Variants in SPATA17 observed in about 807,000 individuals in gnomAD.
SPATA17 encodes the protein spermatogenesis associated 17, also known as spermatogenesis-associated protein 17.
SPATA17 carries 53 observed loss-of-function variants against 62.2 expected under a neutral mutation model. That is an observed-to-expected ratio of 0.85 (90% CI 0.68 to 1.07). The LOEUF is 1.07. Among genes scored for constraint, SPATA17 ranks in the 50% least tolerant of loss-of-function variants. SPATA17 has a pLI of 0.00. For missense variants in SPATA17, 466 were observed against 425.5 expected, an observed-to-expected ratio of 1.10 and a Z score of -0.84; for synonymous variants, 146 against 146.8, an observed-to-expected ratio of 0.99 and a Z score of 0.04.
chr1:217,828,841 G>T (rs2103000697), intron 9 of SPATA17, among the ~76,000 whole-genome samples: 1 of 152,272 alleles, frequency 6.6e-6, no homozygotes, highest in Non-Finnish European at 1.5e-5. Flanking sequence ...TACATTAAAA[G>T]ATGCTCAGTA....
chr1:217,859,475 A>G (rs1434183301), intron 9 of SPATA17, among the ~76,000 whole-genome samples: 2 of 151,972 alleles, frequency 1.3e-5, no homozygotes, highest in Non-Finnish European at 2.9e-5. Flanking sequence ...TGGCACAACC[A>G]TGGCTCACTG....
At chr1:217,685,344 C>G (rs1339927485) in intron 5 of SPATA17, among the ~76,000 whole-genome samples, 1 of 152,154 alleles carries the variant, frequency 6.6e-6, no homozygotes, top group Non-Finnish European at 1.5e-5. Flanking sequence ...TGGGAAAGGT[C>G]TGAATCTTCT....
intron 5 of SPATA17, among the ~76,000 whole-genome samples, chr1:217,697,950 C>T (rs543068688): frequency 6.6e-6 from 1 of 152,188 alleles, no homozygotes; most frequent in South Asian, 2.1e-4. Context: ...GTTTTATATG[C>T]ATTTTCTTAG....
chr1:217,659,187 AACAC>A (rs10546517), intron 3 of SPATA17, among the ~76,000 whole-genome samples: 3,700 of 144,568 alleles, frequency 0.026, 78 homozygotes, highest in African/African-American at 0.063. Flanking sequence ...TGCCCATCAA[AACAC>A]ACACACACAC....
At position 217,870,973 on chromosome 1, in the gene SPATA17, G is replaced by C. The variant is rs1676118021; in HGVS notation, c.*3954G>C. 6.6e-6 allele frequency: 1 copy of C among 152,142 alleles called. No homozygotes were observed. Among genetic ancestry groups the C allele is most frequent in the Admixed American group, 6.6e-5 (1 of 15,254 alleles). The allele number at this position is 152,142 out of a possible 1,614,324, so 9.4% of individuals were successfully genotyped here. A position where few individuals can be genotyped will look rare whatever the true frequency, so the allele number is the denominator to read the frequency against. On this transcript the variant is annotated 3_prime_UTR_variant, in exon 11 of 11. Transcript: ENST00000366933. ...TTTTAATAGAAGCTATAAAATAGCA[G>C]ATAAGCTAAGTCATTCTCATAAAAC... is the stretch of plus-strand genomic sequence containing the variant.
intron 9 of SPATA17, among the ~76,000 whole-genome samples, chr1:217,837,797 C>T (rs1056166708): frequency 1.3e-5 from 2 of 152,092 alleles, no homozygotes; most frequent in Non-Finnish European, 2.9e-5. Context: ...GAAAGAAGTA[C>T]TTTTATTTCT....
intron 9 of SPATA17, among the ~76,000 whole-genome samples, chr1:217,857,400 A>G (rs1268520431): frequency 6.6e-6 from 1 of 152,184 alleles, no homozygotes; most frequent in South Asian, 2.1e-4. Context: ...AATTGTCCCA[A>G]GGAGCTCATT....
chr1:217,631,613 T>C (rs10495062), intron 1 of SPATA17, among the ~76,000 whole-genome samples, 167 bp downstream of exon 1: 51,374 of 152,040 alleles, frequency 0.34, 9,119 homozygotes, highest in Non-Finnish European at 0.39. Flanking sequence ...TCTGTTACCA[T>C]ACAACGAAAT....
At chr1:217,689,855 TA>T (rs1671305492) in intron 5 of SPATA17, among the ~76,000 whole-genome samples, 1 of 152,100 alleles carries the variant, frequency 6.6e-6, no homozygotes, top group Admixed American at 6.6e-5. Flanking sequence ...TCAACCCCTG[TA>T]CCATCACAGA....
chr1:217,795,184 C>T (rs532748718), intron 8 of SPATA17, among the ~76,000 whole-genome samples: 12 of 152,100 alleles, frequency 7.9e-5, no homozygotes, highest in Admixed American at 2.0e-4. Flanking sequence ...TTGGCACTTA[C>T]AGGGCTTCTC....
At chr1:217,823,865 A>T (rs1321861025) in intron 9 of SPATA17, among the ~76,000 whole-genome samples, 1 of 151,874 alleles carries the variant, frequency 6.6e-6, no homozygotes, top group Non-Finnish European at 1.5e-5. Flanking sequence ...TACATGATGA[A>T]CTTCTTCGTC....
chr1:217,720,644 T>C (rs1672104608), intron 5 of SPATA17, among the ~76,000 whole-genome samples: 1 of 152,144 alleles, frequency 6.6e-6, no homozygotes, highest in African/African-American at 2.4e-5. Flanking sequence ...ATAAACATTT[T>C]TTTTAAAAAA....
chr1:217,845,854 A>T (rs1012965928), intron 9 of SPATA17, among the ~76,000 whole-genome samples: 3 of 152,092 alleles, frequency 2.0e-5, no homozygotes, highest in African/African-American at 7.2e-5. Flanking sequence ...ACCCATAAAC[A>T]TGTAGACATT....
chr1:217,808,012 C>A (rs1571818783), intron 9 of SPATA17, among the ~76,000 whole-genome samples: 1 of 152,166 alleles, frequency 6.6e-6, no homozygotes, highest in Non-Finnish European at 1.5e-5. Context: ...AAAAGTATTT[C>A]TCTCTCAAGG....
At chr1:217,762,776 A>G (rs1482029139) in intron 6 of SPATA17, among the ~76,000 whole-genome samples, 1 of 152,326 alleles carries the variant, frequency 6.6e-6, no homozygotes, top group East Asian at 1.9e-4. Flanking sequence ...GTTTGAGACC[A>G]GCCTGGCCAA....
chr1:217,705,809 A>T (rs10863338), intron 5 of SPATA17, among the ~76,000 whole-genome samples: 27 of 152,126 alleles, frequency 1.8e-4, no homozygotes, highest in Non-Finnish European at 4.4e-5. Context: ...CCAGCATCTT[A>T]TCCAGAATGG....
intron 9 of SPATA17, among the ~76,000 whole-genome samples, chr1:217,860,635 T>C (rs1675879968): frequency 6.6e-6 from 1 of 152,112 alleles, no homozygotes; most frequent in African/African-American, 2.4e-5. Context: ...CTGAAATCTA[T>C]TTTGTCTGAA....
At chr1:217,654,915 G>A (rs568737701) in intron 3 of SPATA17, among the ~76,000 whole-genome samples, 2 of 152,086 alleles carry the variant, frequency 1.3e-5, no homozygotes, top group Non-Finnish European at 2.9e-5. Flanking sequence ...GTTTTGCCGT[G>A]TTAGCCAGAT....
At chr1:217,672,432 A>C (rs566236845) in intron 4 of SPATA17, among the ~76,000 whole-genome samples, 1 of 152,184 alleles carries the variant, frequency 6.6e-6, no homozygotes. Flanking sequence ...TGTACAGTAC[A>C]TAAGAACAAA....
Sources: allele counts gnomAD v4.1 joint callset (sites outside exome capture counted in the v4.1 genomes callset), GRCh38; gene constraint gnomAD v4.1.1; transcripts MANE v1.5; gene names NCBI Gene and HGNC (gene_info 2026-07-23, HGNC 2026-07-21).